Variants in CDYL observed in about 807,000 individuals in gnomAD.
The protein encoded by CDYL is chromodomain Y like.
In CDYL, 8 loss-of-function variants were observed where a neutral mutation model predicts 47.3. The observed-to-expected ratio is 0.17, with a 90% CI of 0.10 to 0.31. The LOEUF is 0.31. Ranked by LOEUF, CDYL falls within the 10% of genes least tolerant of loss-of-function variation. The probability of loss-of-function intolerance (pLI) is 1.00; values close to 1 mark genes in which losing one functional copy is unlikely to be tolerated. For missense variants in CDYL, 471 were observed against 701.4 expected (o/e 0.67, Z 3.71); for synonymous variants, 266 against 265.0 (o/e 1.00, Z -0.04).
At chr6:4,775,795 T>C (rs1291481116), upstream of CDYL, among the ~76,000 whole-genome samples, 1 of 149,782 alleles carries the variant, frequency 6.7e-6, no homozygotes, top group Admixed American at 6.6e-5. This position sits in a 1 kb window ranked among gnomAD's most constrained non-coding sequence, Gnocchi z 7.0. Context: ...GGGTGGGTGC[T>C]CCACCTGGCC....
At chr6:4,801,306 T>C (rs1759218616) in intron 1 of CDYL, among the ~76,000 whole-genome samples, 2 of 152,220 alleles carry the variant, frequency 1.3e-5, no homozygotes, top group Non-Finnish European at 1.5e-5. Flanking sequence ...TTTCAGACGT[T>C]TTTGAAATAT....
intron 2 of CDYL, among the ~76,000 whole-genome samples, chr6:4,915,440 C>CA (rs1757529715): frequency 6.6e-6 from 1 of 152,116 alleles, no homozygotes; most frequent in South Asian, 2.1e-4. Flanking sequence ...GCCTCTTGGC[C>CA]AAGGGGACCC....
At chr6:4,822,353 A>G (rs1025231871) in intron 1 of CDYL, among the ~76,000 whole-genome samples, 5 of 152,084 alleles carry the variant, frequency 3.3e-5, no homozygotes, top group Admixed American at 1.3e-4. Flanking sequence ...TTTGCCATAA[A>G]TGGAGTATCA....
chr6:4,924,055 G>A (rs1449842712), intron 2 of CDYL, among the ~76,000 whole-genome samples: 1 of 152,080 alleles, frequency 6.6e-6, no homozygotes, highest in East Asian at 1.9e-4. Context: ...CAACATTATT[G>A]TGTGTCTCTA....
In CDYL at chr6:4,909,578, G is replaced by T. The variant is rs376706720; in HGVS notation, c.691+17199G>T. 3.0e-3 allele frequency among the ~76,000 whole-genome samples: 456 copies of T among 151,840 alleles called. 1 individual carries two copies. The highest frequency in any genetic ancestry group is 0.011 in the African/African-American group (441 of 41,390). On this transcript the variant is annotated intron_variant, in intron 2 of 6. Coordinates refer to ENST00000397588, the MANE Select transcript of CDYL (RefSeq NM_004824.4). ...TGAGATAAAATTCATACTTTTTTTT[G>T]TTTGTTTTTGAGACGGAGTCTCCCT...
chr6:4,885,346 GTTGTC>G (rs1761873290), intron 1 of CDYL, among the ~76,000 whole-genome samples: 1 of 152,152 alleles, frequency 6.6e-6, no homozygotes, highest in Non-Finnish European at 1.5e-5. Context: ...GAAATTTTAT[GTTGTC>G]TTGATGTGTC....
intron 3 of CDYL, among the ~76,000 whole-genome samples, chr6:4,752,836 A>ATGTGTGTG (rs35686534): frequency 1.3e-5 from 2 of 148,746 alleles, no homozygotes; most frequent in Non-Finnish European, 3.0e-5. Flanking sequence ...AAGGAAAATA[A>ATGTGTGTG]TGTGTGTGTG....
chr6:4,825,808 G>A (rs1242830758), intron 1 of CDYL, among the ~76,000 whole-genome samples: 1 of 150,166 alleles, frequency 6.7e-6, no homozygotes, highest in East Asian at 2.0e-4. Flanking sequence ...AATTAATAAT[G>A]CAGTGGTTTC....
intron 1 of CDYL, among the ~76,000 whole-genome samples, chr6:4,794,319 C>T (rs1267680197): frequency 6.6e-6 from 1 of 152,074 alleles, no homozygotes; most frequent in Non-Finnish European, 1.5e-5. Flanking sequence ...GTGTTTGGTG[C>T]TGCTGAGGAC....
At chr6:4,779,957 T>TCA (rs1554135617) in intron 1 of CDYL, among the ~76,000 whole-genome samples, 4 of 151,972 alleles carry the variant, frequency 2.6e-5, no homozygotes, top group Non-Finnish European at 1.5e-5. Context: ...CACATTTGTG[T>TCA]TTTTTTTCCA....
intron 3 of CDYL, among the ~76,000 whole-genome samples, chr6:4,746,321 C>T (rs1757896221): frequency 6.6e-6 from 1 of 150,826 alleles, no homozygotes; most frequent in South Asian, 2.1e-4. Flanking sequence ...CCAAGATTGC[C>T]CCATTGCACT....
intron 1 of CDYL, among the ~76,000 whole-genome samples, chr6:4,848,569 T>A (rs1581209737): frequency 1.3e-5 from 2 of 151,940 alleles, no homozygotes; most frequent in Non-Finnish European, 2.9e-5. Context: ...CAGGAGAGAG[T>A]CTGCACTGCA....
At chr6:4,893,688 G>A (rs1313427753) in intron 2 of CDYL, among the ~76,000 whole-genome samples, 3 of 145,688 alleles carry the variant, frequency 2.1e-5, no homozygotes, top group East Asian at 2.1e-4. Context: ...GTGAGACTCC[G>A]TCTCCCAAAA....
chr6:4,911,775 T>G (rs1449177121), intron 2 of CDYL, among the ~76,000 whole-genome samples: 1 of 152,222 alleles, frequency 6.6e-6, no homozygotes, highest in African/African-American at 2.4e-5. Context: ...CACTTTCAAA[T>G]TTCACCTTCC....
intron 1 of CDYL, among the ~76,000 whole-genome samples, chr6:4,783,703 C>T (rs1189687641): frequency 6.6e-6 from 1 of 152,164 alleles, no homozygotes; most frequent in African/African-American, 2.4e-5. Context: ...AGGTGTGAGC[C>T]ACACTGCACC....
chr6:4,937,453 A>G, intron 3 of CDYL, 112 bp from the exon 4 acceptor site: 1 of 769,086 alleles, frequency 1.3e-6, no homozygotes, highest in Non-Finnish European at 1.9e-6. Context: ...CCTTGATTAA[A>G]CCACTGCACG....
rs140653495 is a variant in CDYL, at chr6:4,758,082, G to C, written c.186+23238G>C. On this transcript the variant is annotated intron_variant, in intron 3 of 8. Coordinates refer to the CDYL transcript ENST00000328908. ...TGGCCTGGTGCAGTGGCTCACACTT[G>C]TAATCCCAGCACTTTGGGAGGCTGA... Among the ~76,000 whole-genome samples the C allele has an allele frequency of 7.5e-3, 1,139 of 152,110 alleles. 22 individuals are homozygous for C. The highest frequency in any genetic ancestry group is 0.026 in the African/African-American group (1,096 of 41,456).
chr6:4,908,742 C>T (rs920121357), intron 2 of CDYL, among the ~76,000 whole-genome samples: 8 of 152,284 alleles, frequency 5.3e-5, no homozygotes, highest in African/African-American at 1.9e-4. Context: ...AACCAGTAGC[C>T]CACAGGCAGT....
intron 2 of CDYL, among the ~76,000 whole-genome samples, chr6:4,717,218 A>T (rs1232428415): frequency 8.5e-5 from 13 of 152,170 alleles, no homozygotes; most frequent in African/African-American, 3.1e-4. Context: ...GGATCACTTC[A>T]GCCAAGGAGT....
Sources: allele counts gnomAD v4.1 joint callset (sites outside exome capture counted in the v4.1 genomes callset), GRCh38; gene constraint gnomAD v4.1.1; non-coding constraint Gnocchi (gnomAD v3.1); transcripts MANE v1.5; gene names NCBI Gene and HGNC (gene_info 2026-07-23, HGNC 2026-07-21).